The following BCAS3 variants were observed in gnomAD, a reference collection of about 807,000 sequenced individuals.
BCAS3 encodes BCAS4/BCAS3 fusion.
BCAS3 carries 53 observed loss-of-function variants against 116.1 expected under a neutral mutation model. The observed-to-expected ratio is 0.46, with a 90% CI of 0.37 to 0.57. The LOEUF (loss-of-function observed/expected upper bound fraction) is 0.57, where lower values mean the gene tolerates loss of function less well. Among genes scored for constraint, BCAS3 ranks in the 20% least tolerant of loss-of-function variants. The probability of loss-of-function intolerance (pLI) is 0.00; values close to 1 mark genes in which losing one functional copy is unlikely to be tolerated. For synonymous variants in BCAS3, 391 were observed against 408.2 expected, an observed-to-expected ratio of 0.96 and a Z score of 0.51; for missense variants, 917 against 1,165.4, an observed-to-expected ratio of 0.79 and a Z score of 3.10.
At chr17:60,850,154 A>C (rs2052949356) in intron 7 of BCAS3, among the ~76,000 whole-genome samples, 1 of 152,118 alleles carries the variant, frequency 6.6e-6, no homozygotes, top group African/African-American at 2.4e-5. Flanking sequence ...GTGTGCTGAT[A>C]CTGATACAAC....
Position 61,061,963 on chromosome 17 carries a change from A to G in BCAS3, c.2030-12957A>G, listed in dbSNP as rs141324022. Among the ~76,000 whole-genome samples, 647 of 152,344 alleles carry G rather than the reference A, an allele frequency of 4.2e-3. 5 individuals carry two copies. The highest frequency in any genetic ancestry group is 0.014 in the African/African-American group (593 of 41,584). ...TATGCATAAGCAAGTTAGAAGTAGC[A>G]CACCCCCTTTAAAAAGTTACTGAAT... On this transcript the variant is annotated intron_variant, in intron 19 of 23. Coordinates refer to ENST00000407086, the MANE Select transcript of BCAS3 (RefSeq NM_017679.5).
At chr17:60,747,568 T>C (rs1176108270) in intron 6 of BCAS3, among the ~76,000 whole-genome samples, 1 of 152,198 alleles carries the variant, frequency 6.6e-6, no homozygotes, top group Non-Finnish European at 1.5e-5. Flanking sequence ...AAGCCCTTTT[T>C]CTCTCTTGGT....
intron 22 of BCAS3, among the ~76,000 whole-genome samples, chr17:61,296,509 C>A (rs1032286034): frequency 4.6e-5 from 7 of 152,124 alleles, no homozygotes; most frequent in Non-Finnish European, 1.0e-4. Context: ...TGAAATAGAG[C>A]CCGAATATTG....
rs143768231 is a variant in BCAS3 at position 60,842,606 on chromosome 17, A to G, written c.477-25970A>G. 7.3e-3 allele frequency among the ~76,000 whole-genome samples: 1,104 copies of G among 152,168 alleles called. 11 individuals are homozygous for G. Among genetic ancestry groups the G allele is most frequent in the Middle Eastern group, 0.031 (9 of 294 alleles). On this transcript the variant is annotated intron_variant, in intron 7 of 23. Transcript: ENST00000407086. ...ACGGGACATGATCTTCTGTGATTCT[A>G]CATTGTGGGTTATAGTTCCTTTCTC...
chr17:60,907,297 G>T (rs187496716), intron 11 of BCAS3, among the ~76,000 whole-genome samples: 11 of 152,050 alleles, frequency 7.2e-5, no homozygotes, highest in Admixed American at 7.2e-4. Context: ...TAAAATCTTG[G>T]TCCATATTTT....
chr17:60,903,426 A>G (rs994982574), intron 11 of BCAS3, among the ~76,000 whole-genome samples: 4 of 152,224 alleles, frequency 2.6e-5, no homozygotes, highest in Non-Finnish European at 4.4e-5. Context: ...GAAGCATTAC[A>G]TATTTTTCAC....
At chr17:60,848,941 A>G (rs1224827866) in intron 7 of BCAS3, among the ~76,000 whole-genome samples, 2 of 152,180 alleles carry the variant, frequency 1.3e-5, no homozygotes, top group Non-Finnish European at 2.9e-5. Flanking sequence ...CTTAGTCTTC[A>G]CTTCCCGCTT....
At chr17:60,940,999 T>C (rs956260371) in intron 13 of BCAS3, among the ~76,000 whole-genome samples, 3 of 152,376 alleles carry the variant, frequency 2.0e-5, no homozygotes, top group Admixed American at 1.3e-4. Flanking sequence ...AAAAGACTTA[T>C]GTTCGTGTGA....
rs1046126052 is a variant in BCAS3, at chr17:61,188,530, A to T, written c.2425+103966A>T. 2.6e-5 allele frequency among the ~76,000 whole-genome samples: 4 copies of T among 152,180 alleles called. No individual in the cohort carries two copies. Among genetic ancestry groups the T allele is most frequent in the Non-Finnish European group, 5.9e-5 (4 of 68,036 alleles). On this transcript the variant is annotated intron_variant, in intron 22 of 23. Transcript: ENST00000407086. The surrounding 1 kb of genome is among the most constrained non-coding windows in gnomAD (Gnocchi z 4.0). ...AATCTTGGCTCATTTGATTACTAGG[A>T]TATTTTACTTACCTTTAAACAACTT...
In BCAS3 at chr17:60,881,882, A is replaced by G. The variant is rs986902853; in HGVS notation, c.661+7144A>G. On this transcript the variant is annotated intron_variant, in intron 9 of 23. Coordinates refer to ENST00000407086, the MANE Select transcript of BCAS3 (RefSeq NM_017679.5). ...TGGTTCCAAGTCTTTGCTATTGTGA[A>G]TAATGCCGCAATAAACATACGTGTG... 7.5e-5 allele frequency among the ~76,000 whole-genome samples: 11 copies of G among 147,492 alleles called. No homozygotes were observed. In the South Asian group the frequency reaches 1.9e-3, roughly 26 times the overall value.
At chr17:61,318,048 C>G (rs2054888944) in intron 22 of BCAS3, among the ~76,000 whole-genome samples, 1 of 152,210 alleles carries the variant, frequency 6.6e-6, no homozygotes, top group Non-Finnish European at 1.5e-5. Context: ...CTGCAGGTGT[C>G]CAGGCTGTGC....
chr17:60,982,008 T>C lies in BCAS3; in HGVS notation c.1222-7963T>C, dbSNP rs192452119. 1.4e-4 allele frequency among the ~76,000 whole-genome samples: 21 copies of C among 152,304 alleles called. No homozygotes were observed. The East Asian group carries it at 4.0e-3, about 29-fold the overall frequency. On this transcript the variant is annotated intron_variant, in intron 14 of 23. Coordinates refer to ENST00000407086, the MANE Select transcript of BCAS3 (RefSeq NM_017679.5). ...TTTTAAATCTAATCTGAAAAGAAAT[T>C]ATATGTGTATGCACAAATGTGTATA...
At chr17:61,341,259 A>G (rs1447586187) in intron 22 of BCAS3, among the ~76,000 whole-genome samples, 3 of 152,208 alleles carry the variant, frequency 2.0e-5, no homozygotes, top group African/African-American at 7.2e-5. Flanking sequence ...GTCTGCATCT[A>G]CGAGGAGCAA....
chr17:61,334,439 G>A (rs1464065192), intron 22 of BCAS3, among the ~76,000 whole-genome samples: 1 of 152,186 alleles, frequency 6.6e-6, no homozygotes, highest in African/African-American at 2.4e-5. Flanking sequence ...GGCCAAGACA[G>A]ACGAATCACC....
Position 61,026,811 on chromosome 17 carries a change from T to C in BCAS3, c.1638-7855T>C. The C allele has an allele frequency of 6.7e-7, 1 of 1,482,104 alleles. No individual in the cohort carries two copies. Among genetic ancestry groups the C allele is most frequent in the South Asian group, 1.2e-5 (1 of 82,908 alleles). 91.8% of individuals were successfully genotyped at this position (1,482,104 alleles called of 1,614,324 possible). A position where few individuals can be genotyped will look rare whatever the true frequency, so the allele number is the denominator to read the frequency against. ...AGTATGATATACTTGTATTTGCTAATGTTAAATGAGTTTTTCTCTAATTTT... is the reference window on the plus strand; with the variant it reads ...AGTATGATATACTTGTATTTGCTAACGTTAAATGAGTTTTTCTCTAATTTT... On this transcript the variant is annotated intron_variant, in intron 16 of 23. Transcript: ENST00000407086. The surrounding 1 kb of genome is among the most constrained non-coding windows in gnomAD (Gnocchi z 5.0).
At chr17:61,035,679 G>A (rs2066969227) in intron 17 of BCAS3, among the ~76,000 whole-genome samples, 1 of 151,636 alleles carries the variant, frequency 6.6e-6, no homozygotes, top group African/African-American at 2.4e-5. Flanking sequence ...ATATACAGTA[G>A]TCTCTCCTTA....
intron 22 of BCAS3, among the ~76,000 whole-genome samples, chr17:61,183,081 A>G (rs1316639783): frequency 3.3e-5 from 5 of 152,176 alleles, no homozygotes; most frequent in Non-Finnish European, 7.3e-5. Context: ...TTCTTTCAGG[A>G]TCCTCCTATT....
chr17:60,938,395 C>T (rs576907569), intron 13 of BCAS3, among the ~76,000 whole-genome samples: 1 of 152,180 alleles, frequency 6.6e-6, no homozygotes, highest in East Asian at 1.9e-4. Context: ...ACAAAAGTGG[C>T]AGGTAATTAA....
chr17:61,326,234 G>C lies in BCAS3; in HGVS notation c.2426-42093G>C, dbSNP rs2055718699. On this transcript the variant is annotated intron_variant, in intron 22 of 23. Coordinates refer to ENST00000407086, the MANE Select transcript of BCAS3 (RefSeq NM_017679.5). This position sits in a 1 kb window ranked among gnomAD's most constrained non-coding sequence, Gnocchi z 5.3. ...TATGCAGGGAGAGTTTCCCTAAGGA[G>C]GTCCCATTTAAGCTTGGCTCTAATG... is the stretch of plus-strand genomic sequence containing the variant. Among the ~76,000 whole-genome samples, 2 of 152,174 alleles carry C rather than the reference G, an allele frequency of 1.3e-5. No homozygotes were observed. Among genetic ancestry groups the C allele is most frequent in the Admixed American group, 1.3e-4 (2 of 15,276 alleles).
Sources: gnomAD v4.1 joint callset for allele counts (sites outside exome capture counted in the v4.1 genomes callset) on GRCh38, gnomAD v4.1.1 for gene constraint, Gnocchi (gnomAD v3.1) non-coding constraint, MANE v1.5 for transcripts, NCBI Gene and HGNC (gene_info 2026-07-23, HGNC 2026-07-21) for gene names.